Variants in GUCY2C observed in about 807,000 individuals in gnomAD.
The protein encoded by GUCY2C is guanylate cyclase 2C.
A neutral mutation model predicts 131.1 loss-of-function variants in GUCY2C; 118 were observed. The ratio of observed to expected loss-of-function variants is 0.90; its 90% CI spans 0.78 to 1.05. The LOEUF is 1.05. Ranked by LOEUF, GUCY2C falls within the 50% of genes least tolerant of loss-of-function variation. The probability of loss-of-function intolerance (pLI) is 0.00; values close to 1 mark genes in which losing one functional copy is unlikely to be tolerated. For missense variants in GUCY2C, 1,161 were observed against 1,304.4 expected (o/e 0.89, Z 1.69); for synonymous variants, 452 against 457.8 (o/e 0.99, Z 0.16).
At chr12:14,693,657 T>C (rs1948611671) in intron 1 of GUCY2C, among the ~76,000 whole-genome samples, 3 of 152,250 alleles carry the variant, frequency 2.0e-5, no homozygotes, top group Non-Finnish European at 2.9e-5. Flanking sequence ...TGCATGCATA[T>C]TCATCCAACA....
chr12:14,657,595 C>G (rs1188081392), intron 11 of GUCY2C, among the ~76,000 whole-genome samples: 1 of 152,082 alleles, frequency 6.6e-6, no homozygotes, highest in Admixed American at 6.6e-5. Flanking sequence ...CACCTGAGCT[C>G]CACCTCCTGT....
chr12:14,692,222 C>T (rs1948587425), intron 1 of GUCY2C, among the ~76,000 whole-genome samples: 1 of 152,080 alleles, frequency 6.6e-6, no homozygotes, highest in Non-Finnish European at 1.5e-5. Context: ...GATAAGTTCT[C>T]CAGAGGCTAT....
At position 14,643,718 on chromosome 12, in the gene GUCY2C, T is replaced by G; in HGVS notation, c.1798-12A>C. The G allele has an allele frequency of 6.2e-7, 1 of 1,607,782 alleles. No individual in the cohort carries two copies. Among genetic ancestry groups the G allele is most frequent in the African/African-American group, 1.3e-5 (1 of 74,648 alleles). On this transcript the variant is annotated splice_polypyrimidine_tract_variant and intron_variant, in intron 16 of 26. Coordinates refer to ENST00000261170, the MANE Select transcript of GUCY2C (RefSeq NM_004963.4). ...AGATATGACATTCCCTGTAATTTTT[T>G]AGATGATAGAAAAACAGAAATGTGA...
chr12:14,644,686 A>G (rs1384170334), intron 16 of GUCY2C, among the ~76,000 whole-genome samples: 1 of 151,524 alleles, frequency 6.6e-6, no homozygotes, highest in Non-Finnish European at 1.5e-5. Context: ...TGATTCCTGC[A>G]AGATGGTTTC....
intron 19 of GUCY2C, among the ~76,000 whole-genome samples, chr12:14,632,276 G>T (rs1947161520): frequency 6.6e-6 from 1 of 152,024 alleles, no homozygotes; most frequent in Non-Finnish European, 1.5e-5. Context: ...CGTTGCTTTT[G>T]GTGTTTTAGA....
intron 19 of GUCY2C, among the ~76,000 whole-genome samples, chr12:14,634,657 A>G (rs1474920682): frequency 6.6e-6 from 1 of 152,238 alleles, no homozygotes; most frequent in Non-Finnish European, 1.5e-5. Context: ...TTCACTTAAA[A>G]GATATAGACT....
rs762797947 is a variant in GUCY2C at position 14,628,641 on chromosome 12, A to C, written c.2249+5T>G. On this transcript the variant is annotated splice_donor_5th_base_variant and intron_variant, in intron 20 of 26. Coordinates refer to ENST00000261170, the MANE Select transcript of GUCY2C (RefSeq NM_004963.4). ...AGTGAATAAAAGTAAACATTTCAGC[A>C]ATACCCAAATATCTTGGCAAGTGTA... 1 of 1,405,500 alleles carries C rather than the reference A, an allele frequency of 7.1e-7. No individual in the cohort carries two copies. The highest frequency in any genetic ancestry group is 2.3e-5 in the East Asian group (1 of 43,914). The allele number at this position is 1,405,500 out of a possible 1,614,324, so 87.1% of individuals were successfully genotyped here.
chr12:14,653,065 T>C (rs1320546702), intron 12 of GUCY2C, 51 bp from the exon 13 acceptor site: 2 of 1,298,180 alleles, frequency 1.5e-6, no homozygotes, highest in Non-Finnish European at 2.2e-6. Flanking sequence ...CTCATCCTAC[T>C]CACTGCCTGT....
At chr12:14,642,426 G>T (rs1458327666) in intron 17 of GUCY2C, among the ~76,000 whole-genome samples, 1 of 152,128 alleles carries the variant, frequency 6.6e-6, no homozygotes, top group Non-Finnish European at 1.5e-5. Flanking sequence ...CAGTTTCAAT[G>T]AAACATGTAT....
intron 17 of GUCY2C, 90 bp downstream of exon 17, chr12:14,643,484 C>T: frequency 4.3e-6 from 5 of 1,156,746 alleles, no homozygotes; most frequent in Non-Finnish European, 6.4e-6. Context: ...TGCTTATCTT[C>T]TGATCAGTAT....
chr12:14,653,842 G>T (rs997796779), intron 12 of GUCY2C, among the ~76,000 whole-genome samples: 6 of 152,174 alleles, frequency 3.9e-5, no homozygotes, highest in African/African-American at 1.4e-4. Flanking sequence ...ACAAATGTCA[G>T]TTATCATCAT....
Position 14,631,917 on chromosome 12 carries a change from G to T in GUCY2C, c.2158-3180C>A, listed in dbSNP as rs540503689. ...GTTGTTTCCTGACTTTTTAATGATT[G>T]CCATTCTAACTGGTGTGAGATGGTA... On this transcript the variant is annotated intron_variant, in intron 19 of 26. Transcript: ENST00000261170. Among the ~76,000 whole-genome samples, 711 of 148,752 alleles carry T rather than the reference G, an allele frequency of 4.8e-3. 6 individuals are homozygous for T. The highest frequency in any genetic ancestry group is 0.017 in the African/African-American group (675 of 40,568).
intron 1 of GUCY2C, among the ~76,000 whole-genome samples, chr12:14,693,899 C>T (rs1241489085): frequency 6.6e-6 from 1 of 152,230 alleles, no homozygotes. Flanking sequence ...CTCTAACTAA[C>T]ATACTATTTA....
intron 11 of GUCY2C, among the ~76,000 whole-genome samples, chr12:14,659,486 T>G (rs1196811822): frequency 6.6e-6 from 1 of 152,234 alleles, no homozygotes; most frequent in Non-Finnish European, 1.5e-5. Flanking sequence ...TTTGACAAAC[T>G]CATTCTCACC....
In GUCY2C at chr12:14,688,000, T is replaced by G. The variant is rs757963296; in HGVS notation, c.281A>C (p.Asp94Ala). 3 of 1,613,728 alleles carry G rather than the reference T, an allele frequency of 1.9e-6. No individual in the cohort carries two copies. Among genetic ancestry groups the G allele is most frequent in the African/African-American group, 1.3e-5 (1 of 74,930 alleles). Reference protein sequence around the residue: ...YSDGLIHNSGDCRSSTCEGLD... With the variant: ...YSDGLIHNSGACRSSTCEGLD... Reference sequence around the variant, plus strand: ...GCCTTCACAGGTGCTACTCCGGCAGTCGCCTGAGTTATGAATCAGACCATC... The same window carrying G: ...GCCTTCACAGGTGCTACTCCGGCAGGCGCCTGAGTTATGAATCAGACCATC... The change falls in exon 2 of 27, where the codon GAC (aspartate) becomes GCC (alanine). Residue 94 changes from aspartate to alanine, a missense_variant. Asp to Ala is a moderately radical substitution (Grantham distance 126). Coordinates refer to ENST00000261170, the MANE Select transcript of GUCY2C (RefSeq NM_004963.4).
intron 20 of GUCY2C, among the ~76,000 whole-genome samples, chr12:14,628,034 C>T (rs921578149): frequency 6.6e-6 from 1 of 152,142 alleles, no homozygotes; most frequent in African/African-American, 2.4e-5. Flanking sequence ...AAGTGTTTTG[C>T]CCAATGCCCC....
chr12:14,642,105 T>C (rs1218679145), intron 17 of GUCY2C, among the ~76,000 whole-genome samples: 2 of 152,148 alleles, frequency 1.3e-5, no homozygotes, highest in Admixed American at 1.3e-4. Flanking sequence ...CATAACATAC[T>C]GGCAGCCTGC....
intron 4 of GUCY2C, among the ~76,000 whole-genome samples, chr12:14,682,825 TAA>T (rs1232723436): frequency 2.0e-5 from 3 of 152,200 alleles, no homozygotes; most frequent in Non-Finnish European, 4.4e-5. Context: ...TTCAAAACAG[TAA>T]AGAGTGTTGC....
chr12:14,619,186 T>C lies in GUCY2C; in HGVS notation c.2875+25A>G, dbSNP rs192593431. The C allele has an allele frequency of 4.6e-5, 63 of 1,380,866 alleles. No individual in the cohort carries two copies. In the African/African-American group the frequency reaches 8.7e-4, roughly 19 times the overall value. The allele number at this position is 1,380,866 out of a possible 1,614,324, so 85.5% of individuals were successfully genotyped here. On this transcript the variant is annotated intron_variant, in intron 24 of 26. Transcript: ENST00000261170. Reference sequence around the variant, plus strand: ...GCTGGAAAACAGCATCTTTGTCCTCTGAGAAAAACAGTCTCCCTTCTTACG... The same window carrying C: ...GCTGGAAAACAGCATCTTTGTCCTCCGAGAAAAACAGTCTCCCTTCTTACG...
Sources: gnomAD v4.1 joint callset for allele counts (sites outside exome capture counted in the v4.1 genomes callset) on GRCh38, gnomAD v4.1.1 for gene constraint, MANE v1.5 for transcripts, NCBI Gene and HGNC (gene_info 2026-07-23, HGNC 2026-07-21) for gene names.